The following CLVS1 variants were observed in gnomAD, a reference collection of about 807,000 sequenced individuals.
The protein encoded by CLVS1 is clavesin-1.
CLVS1 carries 10 observed loss-of-function variants against 33.1 expected under a neutral mutation model. That is an observed-to-expected ratio of 0.30 (90% confidence interval 0.19 to 0.51). The LOEUF (loss-of-function observed/expected upper bound fraction) is 0.51, where lower values mean the gene tolerates loss of function less well. CLVS1 is among the 20% of genes least tolerant of loss of function. The pLI, the probability that CLVS1 is intolerant of heterozygous loss-of-function variation, is 0.97. For synonymous variants in CLVS1, 163 were observed against 166.1 expected, an observed-to-expected ratio of 0.98 and a Z score of 0.14; for missense variants, 343 against 433.4, an observed-to-expected ratio of 0.79 and a Z score of 1.85.
intron 3 of CLVS1, among the ~76,000 whole-genome samples, chr8:61,422,347 C>T (rs1815712470): frequency 6.6e-6 from 1 of 152,144 alleles, no homozygotes; most frequent in Non-Finnish European, 1.5e-5. Flanking sequence ...GAGTTGAGTG[C>T]TGGGTCTGCA....
chr8:61,425,316 A>T (rs1255755810), intron 3 of CLVS1, among the ~76,000 whole-genome samples: 1 of 152,172 alleles, frequency 6.6e-6, no homozygotes, highest in Non-Finnish European at 1.5e-5. Flanking sequence ...GTAGGATGTT[A>T]ATCCCCTTAT....
chr8:60,979,187 C>T, the CLVS1 span, among the ~76,000 whole-genome samples: 1 of 152,132 alleles, frequency 6.6e-6, no homozygotes, highest in African/African-American at 2.4e-5. Context: ...TGACATTGAA[C>T]AACTCTGTTT....
intron 1 of CLVS1, chr8:61,057,335 A>G (rs1159798849): frequency 6.7e-6 from 1 of 150,306 alleles, no homozygotes; most frequent in Non-Finnish European, 1.5e-5. Flanking sequence ...CACAATTTCT[A>G]TTGATTGAGC....
chr8:61,290,718 T>C (rs1303425444), intron 1 of CLVS1, among the ~76,000 whole-genome samples: 1 of 152,218 alleles, frequency 6.6e-6, no homozygotes, highest in African/African-American at 2.4e-5. Flanking sequence ...CTACTCTTCC[T>C]GTTACACAGT....
chr8:61,234,259 G>A (rs11783318), intron 2 of CLVS1, among the ~76,000 whole-genome samples: 12,981 of 152,190 alleles, frequency 0.085, 1,074 homozygotes, highest in African/African-American at 0.22. Context: ...GACTGTGTGC[G>A]TGCGTATTCA....
At chr8:61,085,418 T>G (rs540169839) in intron 1 of CLVS1, among the ~76,000 whole-genome samples, 30 of 152,234 alleles carry the variant, frequency 2.0e-4, no homozygotes, top group African/African-American at 7.2e-4. Context: ...CTCTTCTCTC[T>G]CATCATTGCA....
At chr8:61,290,207 G>A (rs942719558) in intron 1 of CLVS1, among the ~76,000 whole-genome samples, 5 of 152,068 alleles carry the variant, frequency 3.3e-5, no homozygotes, top group African/African-American at 7.2e-5. Flanking sequence ...CCTGGGGCTG[G>A]GGAAATTTTA....
At chr8:60,968,971 A>G in the CLVS1 span, among the ~76,000 whole-genome samples, 1 of 151,792 alleles carries the variant, frequency 6.6e-6, no homozygotes, top group African/African-American at 2.4e-5. Context: ...GATGTTCACA[A>G]AGGGGGTCCT....
At chr8:61,163,666 T>C (rs1255612328) in intron 2 of CLVS1, among the ~76,000 whole-genome samples, 1 of 152,166 alleles carries the variant, frequency 6.6e-6, no homozygotes, top group Non-Finnish European at 1.5e-5. Flanking sequence ...GTGTGTGTTA[T>C]AGCTCTGTCA....
At chr8:61,293,588 G>A (rs892699106) in intron 1 of CLVS1, among the ~76,000 whole-genome samples, 10 of 152,088 alleles carry the variant, frequency 6.6e-5, no homozygotes, top group African/African-American at 2.2e-4. Flanking sequence ...TTCAGTTTTG[G>A]CTTAGATATA....
intron 2 of CLVS1, among the ~76,000 whole-genome samples, chr8:61,174,271 G>T (rs1026730185): frequency 6.6e-6 from 1 of 152,122 alleles, no homozygotes; most frequent in Non-Finnish European, 1.5e-5. Flanking sequence ...AAACCACACA[G>T]ATGTTAGAAT....
intron 2 of CLVS1, among the ~76,000 whole-genome samples, chr8:61,247,705 G>C (rs926731133): frequency 2.0e-5 from 3 of 152,206 alleles, no homozygotes; most frequent in Non-Finnish European, 4.4e-5. Context: ...ACCTTTGTCA[G>C]ATGCATAGTT....
chr8:61,477,950 C>T (rs1818019044), intron 5 of CLVS1, among the ~76,000 whole-genome samples: 2 of 146,724 alleles, frequency 1.4e-5, no homozygotes, highest in South Asian at 4.2e-4. Context: ...CTATAAATTT[C>T]CCTCTACACA....
chr8:61,314,905 T>A (rs948147332), intron 2 of CLVS1, among the ~76,000 whole-genome samples: 7 of 152,198 alleles, frequency 4.6e-5, no homozygotes, highest in African/African-American at 7.2e-5. Flanking sequence ...GTGTTATAGG[T>A]GAGAAACCAT....
chr8:61,380,385 G>A (rs1029563837), intron 3 of CLVS1, among the ~76,000 whole-genome samples: 8 of 152,138 alleles, frequency 5.3e-5, no homozygotes, highest in African/African-American at 1.9e-4. Context: ...GGGATCATCA[G>A]ATTTTTACAT....
chr8:61,352,036 T>C (rs1812491371), intron 2 of CLVS1, among the ~76,000 whole-genome samples: 1 of 152,060 alleles, frequency 6.6e-6, no homozygotes, highest in Non-Finnish European at 1.5e-5. Context: ...TAATAAACTA[T>C]CTTTTATCTC....
chr8:61,456,752 T>C (rs1324583998), intron 4 of CLVS1, among the ~76,000 whole-genome samples: 3 of 151,452 alleles, frequency 2.0e-5, no homozygotes, highest in Admixed American at 2.0e-4. Context: ...CCGTCTGTAC[T>C]AAAAAATACA....
the CLVS1 span, among the ~76,000 whole-genome samples, chr8:61,049,012 T>C: frequency 6.6e-6 from 1 of 152,226 alleles, no homozygotes; most frequent in Admixed American, 6.5e-5. Context: ...GGGTCCAGAA[T>C]TTTGAGGACT....
the CLVS1 span, among the ~76,000 whole-genome samples, chr8:61,007,820 C>T: frequency 5.3e-5 from 8 of 152,060 alleles, no homozygotes; most frequent in Non-Finnish European, 8.8e-5. Context: ...GTACAGACAA[C>T]GGAAGGGGGA....
Sources: gnomAD v4.1 joint callset for allele counts (sites outside exome capture counted in the v4.1 genomes callset) on GRCh38, gnomAD v4.1.1 for gene constraint, MANE v1.5 for transcripts, NCBI Gene and HGNC (gene_info 2026-07-23, HGNC 2026-07-21) for gene names.